NXN: variants seen among roughly 807,000 people sequenced by gnomAD.
NXN encodes the protein nucleoredoxin.
A neutral mutation model predicts 48.6 loss-of-function variants in NXN; 16 were observed. That is an observed-to-expected ratio of 0.33 (90% CI 0.22 to 0.50). NXN has a LOEUF of 0.50. NXN is among the 20% of genes least tolerant of loss of function. The pLI is 0.98. For synonymous variants in NXN, 281 were observed against 269.6 expected, an observed-to-expected ratio of 1.04 and a Z score of -0.41; for missense variants, 492 against 605.5, an observed-to-expected ratio of 0.81 and a Z score of 1.97.
intron 3 of NXN, among the ~76,000 whole-genome samples, chr17:822,697 G>A (rs1912883009): frequency 6.6e-6 from 1 of 152,150 alleles, no homozygotes; most frequent in South Asian, 2.1e-4. Context: ...CCTCCTGCAT[G>A]AGGCAAAAAT....
intron 1 of NXN, among the ~76,000 whole-genome samples, chr17:951,174 TTAAAAAA>T (rs1317903548): frequency 0.02 from 1,383 of 67,466 alleles, 85 homozygotes; most frequent in African/African-American, 0.077. Context: ...CTGTCTCTAC[TTAAAAAA>T]AAAAAAAAAA....
At chr17:914,962 CAA>C (rs1012997371) in intron 1 of NXN, among the ~76,000 whole-genome samples, 1 of 151,384 alleles carries the variant, frequency 6.6e-6, no homozygotes, top group Non-Finnish European at 1.5e-5. Flanking sequence ...TTTTTTTAGA[CAA>C]AGTCTCGCTC....
intron 1 of NXN, among the ~76,000 whole-genome samples, chr17:954,664 C>T (rs377396901): frequency 2.1e-3 from 327 of 152,346 alleles, no homozygotes; most frequent in African/African-American, 6.9e-3. Flanking sequence ...TGTCCCTCAA[C>T]ACCACTCGGG....
At chr17:809,757 G>A (rs1389608635) in intron 5 of NXN, among the ~76,000 whole-genome samples, 4 of 105,628 alleles carry the variant, frequency 3.8e-5, no homozygotes, top group South Asian at 3.4e-4. Flanking sequence ...AAATTTTTGC[G>A]CCACACTGTT....
intron 1 of NXN, among the ~76,000 whole-genome samples, chr17:965,123 C>T (rs1472114912): frequency 6.6e-6 from 1 of 152,166 alleles, no homozygotes; most frequent in African/African-American, 2.4e-5. Flanking sequence ...GGGTCCTCTG[C>T]AGGAAACAAT....
intron 1 of NXN, among the ~76,000 whole-genome samples, chr17:944,017 C>T (rs2069013793): frequency 1.3e-5 from 2 of 152,032 alleles, no homozygotes; most frequent in Admixed American, 6.6e-5. Flanking sequence ...GTGGGTGGAT[C>T]ACCTGAGGTC....
chr17:801,685 C>G (rs1424270266), intron 7 of NXN, among the ~76,000 whole-genome samples: 1 of 152,170 alleles, frequency 6.6e-6, no homozygotes, highest in Non-Finnish European at 1.5e-5. Flanking sequence ...CTCAGGTGAT[C>G]CGCCTACCTT....
At chr17:972,576 A>C (rs2069398587) in intron 1 of NXN, among the ~76,000 whole-genome samples, 2 of 152,204 alleles carry the variant, frequency 1.3e-5, no homozygotes, top group African/African-American at 4.8e-5. Flanking sequence ...CCTAGTTCAC[A>C]ACGGGACGAG....
intron 1 of NXN, among the ~76,000 whole-genome samples, chr17:933,914 C>T (rs2068879069): frequency 6.6e-6 from 1 of 152,150 alleles, no homozygotes; most frequent in African/African-American, 2.4e-5. Context: ...GTCCTCAAGC[C>T]TCAAGCATAA....
chr17:977,623 T>C (rs1040881815), intron 1 of NXN, among the ~76,000 whole-genome samples: 1 of 152,270 alleles, frequency 6.6e-6, no homozygotes, highest in African/African-American at 2.4e-5. Flanking sequence ...CATTTTACCA[T>C]AATTCTATGT....
intron 1 of NXN, among the ~76,000 whole-genome samples, chr17:886,894 G>A (rs2068354597): frequency 6.6e-6 from 1 of 151,714 alleles, no homozygotes; most frequent in Non-Finnish European, 1.5e-5. Flanking sequence ...TAACATTTTT[G>A]CCTGACAGTC....
chr17:931,735 T>C (rs991319812), intron 1 of NXN, among the ~76,000 whole-genome samples: 4 of 146,220 alleles, frequency 2.7e-5, no homozygotes, highest in African/African-American at 1.0e-4. Flanking sequence ...CTCGGGAGGC[T>C]GAGGCAGGAG....
In NXN at chr17:826,036, G is replaced by A; in HGVS notation, c.403C>T (p.Leu135=). Residue 135 remains leucine (L), a synonymous_variant, in exon 2 of 8, where the codon CTA becomes TTA. Coordinates refer to ENST00000336868, the MANE Select transcript of NXN (RefSeq NM_022463.5). ...NKYRISNIPS[L]IFLDATTGKV... ...CCAGTGGTGGCGTCGAGGAATATTA[G>A]TGATGGAATGTTGGAAATTCGGTAT... The A allele has an allele frequency of 6.2e-7, 1 of 1,614,084 alleles. No individual in the cohort carries two copies.
chr17:970,584 C>T (rs572387072), intron 1 of NXN, among the ~76,000 whole-genome samples: 9 of 152,198 alleles, frequency 5.9e-5, no homozygotes, highest in Non-Finnish European at 1.3e-4. Flanking sequence ...GGTCCCTGCA[C>T]ACCTAGAGGA....
intron 1 of NXN, among the ~76,000 whole-genome samples, chr17:879,452 A>G (rs1338202831): frequency 1.3e-5 from 2 of 151,586 alleles, no homozygotes; most frequent in African/African-American, 2.4e-5. Flanking sequence ...ATGCCAGGCT[A>G]ATTTTTGAAT....
intron 1 of NXN, among the ~76,000 whole-genome samples, chr17:904,410 T>G (rs1197496908): frequency 8.1e-5 from 12 of 147,902 alleles, no homozygotes; most frequent in Admixed American, 1.4e-4. Flanking sequence ...CAAGAGCCTT[T>G]CCCAGTGGCC....
intron 1 of NXN, chr17:909,883 G>A (rs978124141): frequency 2.6e-5 from 4 of 152,144 alleles, no homozygotes; most frequent in Non-Finnish European, 5.9e-5. Context: ...CTCTGAAGTG[G>A]ACTAACGGAA....
At chr17:854,005 C>A (rs953918392) in intron 1 of NXN, among the ~76,000 whole-genome samples, 3 of 152,004 alleles carry the variant, frequency 2.0e-5, no homozygotes, top group Non-Finnish European at 4.4e-5. Context: ...CAGGCGTGAG[C>A]CACTGCGCCC....
At chr17:915,908 C>CT (rs1350188131) in intron 1 of NXN, among the ~76,000 whole-genome samples, 1 of 102,518 alleles carries the variant, frequency 9.8e-6, no homozygotes, top group East Asian at 5.0e-4. Flanking sequence ...TCTCCCAGTT[C>CT]TTTTGTCCTT....
Sources: gnomAD v4.1 joint callset for allele counts (sites outside exome capture counted in the v4.1 genomes callset) on GRCh38, gnomAD v4.1.1 for gene constraint, MANE v1.5 for transcripts, NCBI Gene and HGNC (gene_info 2026-07-23, HGNC 2026-07-21) for gene names.